Variants in PKHD1 observed in about 807,000 individuals in gnomAD.
PKHD1 encodes the protein PKHD1 ciliary IPT domain containing fibrocystin/polyductin.
A neutral mutation model predicts 412.0 loss-of-function variants in PKHD1; 291 were observed. The observed-to-expected ratio is 0.71, with a 90% CI of 0.64 to 0.78. PKHD1 has a LOEUF of 0.78. PKHD1 is among the 30% of genes least tolerant of loss of function. The probability of loss-of-function intolerance (pLI) is 0.00; values close to 1 mark genes in which losing one functional copy is unlikely to be tolerated. For missense variants in PKHD1, 4,825 were observed against 4,950.7 expected, an observed-to-expected ratio of 0.97 and a Z score of 0.76; for synonymous variants, 1,777 against 1,821.5, an observed-to-expected ratio of 0.98 and a Z score of 0.62.
chr6:51,947,372 G>A (rs889745541), intron 36 of PKHD1, among the ~76,000 whole-genome samples: 21 of 151,928 alleles, frequency 1.4e-4, no homozygotes, highest in East Asian at 5.8e-4. Context: ...GTATTGAATC[G>A]CTAAAGAAAA....
intron 31 of PKHD1, 114 bp from the exon 32 acceptor site, chr6:52,026,295 A>G: frequency 1.0e-6 from 1 of 990,522 alleles, no homozygotes; most frequent in Non-Finnish European, 1.6e-6. Flanking sequence ...TGTGTTAGTG[A>G]AACCTCAATT....
At chr6:51,678,658 A>G (rs1004754635) in intron 60 of PKHD1, among the ~76,000 whole-genome samples, 1 of 152,174 alleles carries the variant, frequency 6.6e-6, no homozygotes, top group Non-Finnish European at 1.5e-5. Flanking sequence ...CTATGAATAG[A>G]GCACCTATAT....
chr6:52,012,856 C>T (rs889175079), intron 34 of PKHD1, among the ~76,000 whole-genome samples: 5 of 152,188 alleles, frequency 3.3e-5, no homozygotes, highest in Admixed American at 2.0e-4. Context: ...CTTCGTAAAT[C>T]GGTTTCCAGA....
chr6:51,655,929 G>A (rs534603192), intron 61 of PKHD1, among the ~76,000 whole-genome samples: 2 of 152,224 alleles, frequency 1.3e-5, no homozygotes, highest in African/African-American at 4.8e-5. Context: ...AGAGAGTGTG[G>A]CGATTCCTCA....
chr6:52,003,540 G>A (rs1013241448), intron 35 of PKHD1, among the ~76,000 whole-genome samples: 2 of 151,992 alleles, frequency 1.3e-5, no homozygotes, highest in African/African-American at 4.8e-5. Flanking sequence ...CCCAAAATCT[G>A]GTTTTTCTCC....
At chr6:51,678,142 G>A (rs1327287456) in intron 60 of PKHD1, among the ~76,000 whole-genome samples, 1 of 152,102 alleles carries the variant, frequency 6.6e-6, no homozygotes, top group Non-Finnish European at 1.5e-5. Flanking sequence ...TTAGCGAGTG[G>A]GAGATCAGAT....
chr6:52,027,694 TG>T (rs1296892508), intron 31 of PKHD1, 134 bp downstream of exon 31: 18 of 720,518 alleles, frequency 2.5e-5, no homozygotes, highest in Non-Finnish European at 4.6e-5. Flanking sequence ...CCTCAGTTCC[TG>T]GAGCCCGAGG....
intron 52 of PKHD1, among the ~76,000 whole-genome samples, chr6:51,812,684 T>C (rs1347905891): frequency 1.3e-5 from 2 of 152,218 alleles, no homozygotes; most frequent in African/African-American, 2.4e-5. Context: ...TGCAAAGCTG[T>C]CTCTTATGGG....
At chr6:52,008,346 TA>T (rs1294432438) in intron 35 of PKHD1, among the ~76,000 whole-genome samples, 1 of 152,202 alleles carries the variant, frequency 6.6e-6, no homozygotes, top group Non-Finnish European at 1.5e-5. Context: ...TGACTCTATG[TA>T]CCCTTTTTTG....
At chr6:51,735,361 G>T (rs140707991) in intron 60 of PKHD1, among the ~76,000 whole-genome samples, 2 of 152,220 alleles carry the variant, frequency 1.3e-5, no homozygotes, top group African/African-American at 4.8e-5. Context: ...TCATGTTAAG[G>T]TTGTTGTAAG....
chr6:51,709,387 C>T (rs868848161), intron 60 of PKHD1, among the ~76,000 whole-genome samples: 2 of 152,180 alleles, frequency 1.3e-5, no homozygotes, highest in African/African-American at 2.4e-5. Flanking sequence ...TTTTTCAGGG[C>T]AGTGATGATT....
chr6:51,987,414 C>T (rs1188027379), intron 35 of PKHD1, among the ~76,000 whole-genome samples: 2 of 152,116 alleles, frequency 1.3e-5, no homozygotes, highest in South Asian at 2.1e-4. Flanking sequence ...TCACAATGAC[C>T]TTCCAAGAGT....
At chr6:51,785,934 A>G (rs1792781376) in intron 53 of PKHD1, among the ~76,000 whole-genome samples, 1 of 152,156 alleles carries the variant, frequency 6.6e-6, no homozygotes, top group African/African-American at 2.4e-5. Flanking sequence ...CTTTCACTGA[A>G]ATCTAACTTT....
In PKHD1 at chr6:51,885,889, CAA is replaced by C; in HGVS notation, c.7191_7192del (p.Trp2398GlyfsTer10). 1 of 1,612,374 alleles carries C rather than the reference CAA, an allele frequency of 6.2e-7. No homozygotes were observed. The highest frequency in any genetic ancestry group is 8.5e-7 in the Non-Finnish European group (1 of 1,178,764). On this transcript the variant is annotated frameshift_variant, in exon 45 of 67. Transcript: ENST00000371117. LOFTEE classifies it high-confidence loss of function. ...TACCTGGGCACCACCTGCACTTTCC[CAA>C]ACTGTGAAGCTCTGGAACAGAGTGG... is the stretch of plus-strand genomic sequence containing the variant.
intron 60 of PKHD1, among the ~76,000 whole-genome samples, chr6:51,729,733 T>C (rs1390557292): frequency 6.6e-6 from 1 of 152,214 alleles, no homozygotes; most frequent in Admixed American, 6.5e-5. Flanking sequence ...TTTTTAATTA[T>C]TGCAAATATG....
At chr6:51,862,538 C>T (rs746693967) in intron 48 of PKHD1, among the ~76,000 whole-genome samples, 1 of 152,052 alleles carries the variant, frequency 6.6e-6, no homozygotes, top group African/African-American at 2.4e-5. Flanking sequence ...GAAAGTCAAG[C>T]GATTATTAGA....
At chr6:52,080,311 A>G (rs917771748) in intron 4 of PKHD1, among the ~76,000 whole-genome samples, 1 of 152,242 alleles carries the variant, frequency 6.6e-6, no homozygotes, top group Admixed American at 6.5e-5. Context: ...TTGATAATCT[A>G]TTCCCCATTT....
intron 10 of PKHD1, 107 bp downstream of exon 10, chr6:52,070,299 T>C (rs1003677564): frequency 5.8e-5 from 46 of 791,654 alleles, no homozygotes; most frequent in African/African-American, 5.5e-4. Flanking sequence ...TGTTTTTATA[T>C]GTTTAACATT....
rs1418992844 is a variant in PKHD1 at position 52,054,182 on chromosome 6, A to T, written c.1837-17T>A. On this transcript the variant is annotated splice_polypyrimidine_tract_variant and intron_variant, in intron 19 of 66. Coordinates refer to ENST00000371117, the MANE Select transcript of PKHD1 (RefSeq NM_138694.4). Reference sequence around the variant, plus strand: ...AAGACACAGCTATGGACACCAAATAAGTCCTTCAGTTCTATTAGTGCAAGA... The same window carrying T: ...AAGACACAGCTATGGACACCAAATATGTCCTTCAGTTCTATTAGTGCAAGA... 7 of 1,612,944 alleles carry T rather than the reference A, an allele frequency of 4.3e-6. No homozygotes were observed. The highest frequency in any genetic ancestry group is 8.5e-7 in the Non-Finnish European group (1 of 1,179,040).
Sources: allele counts gnomAD v4.1 joint callset (sites outside exome capture counted in the v4.1 genomes callset), GRCh38; gene constraint gnomAD v4.1.1; transcripts MANE v1.5; gene names NCBI Gene and HGNC (gene_info 2026-07-23, HGNC 2026-07-21).